The following GAD2 variants were observed in gnomAD, a reference collection of about 807,000 sequenced individuals.
GAD2 encodes the protein glutamate decarboxylase 2, also known as 65 kDa glutamic acid decarboxylase.
Under a neutral mutation model 80.1 loss-of-function variants are expected in GAD2, and 22 were observed. The observed-to-expected ratio is 0.27, with a 90% CI of 0.20 to 0.39. GAD2 has a LOEUF of 0.39. Ranked by LOEUF, GAD2 falls within the 10% of genes least tolerant of loss-of-function variation. GAD2 has a pLI of 1.00. For synonymous variants in GAD2, 274 were observed against 256.9 expected (o/e 1.07, Z -0.64); for missense variants, 624 against 738.4 (o/e 0.85, Z 1.80).
chr10:26,283,388 T>C (rs1845294906), intron 12 of GAD2, among the ~76,000 whole-genome samples: 1 of 152,230 alleles, frequency 6.6e-6, no homozygotes, highest in Non-Finnish European at 1.5e-5. Flanking sequence ...ATTGTAAGGC[T>C]GTGCTCTTAG....
chr10:26,223,328 A>G (rs1265812481), intron 4 of GAD2, among the ~76,000 whole-genome samples: 2 of 152,336 alleles, frequency 1.3e-5, no homozygotes, highest in South Asian at 2.1e-4. Flanking sequence ...ATCATTCAGC[A>G]GAGTGTCCTA....
intron 10 of GAD2, 66 bp downstream of exon 10, chr10:26,270,822 G>C: frequency 2.9e-6 from 3 of 1,037,084 alleles, no homozygotes; most frequent in Non-Finnish European, 4.5e-6. Context: ...GACACACAAA[G>C]GAAATTTGTT....
chr10:26,274,105 T>A lies in GAD2; in HGVS notation c.1157+405T>A, dbSNP rs529116567. 2.6e-5 allele frequency among the ~76,000 whole-genome samples: 4 copies of A among 152,218 alleles called. No homozygotes were observed. The East Asian group carries it at 7.7e-4, about 29-fold the overall frequency. On this transcript the variant is annotated intron_variant, in intron 11 of 15. Coordinates refer to ENST00000376261, the MANE Select transcript of GAD2 (RefSeq NM_001134366.2). ...GATAATATCCACTGCTTAAAAAAAA[T>A]AATAATTTTTCAAAGCAAATAAGCA...
intron 15 of GAD2, among the ~76,000 whole-genome samples, chr10:26,295,060 A>G (rs935245850): frequency 6.8e-6 from 1 of 147,662 alleles, no homozygotes; most frequent in Admixed American, 6.7e-5. Context: ...GGATGGAGCA[A>G]GATGGGAATA....
intron 12 of GAD2, among the ~76,000 whole-genome samples, chr10:26,285,432 TAGAC>T (rs1413909948): frequency 2.6e-5 from 4 of 152,222 alleles, no homozygotes; most frequent in African/African-American, 7.2e-5. Flanking sequence ...AAATCACAAT[TAGAC>T]AGAAGAGAAC....
chr10:26,272,301 A>G (rs562124179), intron 10 of GAD2, among the ~76,000 whole-genome samples: 121 of 152,320 alleles, frequency 7.9e-4, no homozygotes, highest in Non-Finnish European at 1.3e-3. Context: ...ATCCTGGTAG[A>G]CCTTGCTGGC....
chr10:26,300,453 A>G (rs1229179722), intron 15 of GAD2, among the ~76,000 whole-genome samples: 2 of 152,126 alleles, frequency 1.3e-5, no homozygotes, highest in African/African-American at 2.4e-5. Context: ...TGTGGGGGGA[A>G]AATGCCCCCA....
intron 6 of GAD2, among the ~76,000 whole-genome samples, chr10:26,226,419 G>T (rs956053859): frequency 1.3e-5 from 2 of 152,168 alleles, no homozygotes; most frequent in African/African-American, 4.8e-5. Context: ...TTGCTCTTAC[G>T]CCAAGATGCA....
intron 11 of GAD2, among the ~76,000 whole-genome samples, chr10:26,275,396 G>A (rs1033951410): frequency 6.6e-6 from 1 of 152,170 alleles, no homozygotes; most frequent in African/African-American, 2.4e-5. Flanking sequence ...ACACCCACAC[G>A]ATTCTGTACC....
Position 26,304,054 on chromosome 10 carries a change from C to T in GAD2, c.*3093C>T, listed in dbSNP as rs1376530824. 2.0e-5 allele frequency: 3 copies of T among 152,152 alleles called. No individual in the cohort carries two copies. The highest frequency in any genetic ancestry group is 2.9e-5 in the Non-Finnish European group (2 of 68,024). The allele number at this position is 152,152 out of a possible 1,614,324, so 9.4% of individuals were successfully genotyped here. On this transcript the variant is annotated 3_prime_UTR_variant, in exon 16 of 16. Coordinates refer to ENST00000376261, the MANE Select transcript of GAD2 (RefSeq NM_001134366.2). ...AATAGAGAACATGCCCTCAGCTAAG[C>T]CCCCTACTGAGAAACTTCCTTTGAG...
At chr10:26,251,587 A>T (rs1241529865) in intron 8 of GAD2, among the ~76,000 whole-genome samples, 1 of 152,248 alleles carries the variant, frequency 6.6e-6, no homozygotes, top group African/African-American at 2.4e-5. Flanking sequence ...ACTGTTACGA[A>T]TAACCTTTGT....
intron 6 of GAD2, among the ~76,000 whole-genome samples, chr10:26,229,448 G>A (rs1844570760): frequency 6.6e-6 from 1 of 152,150 alleles, no homozygotes; most frequent in Admixed American, 6.5e-5. Flanking sequence ...GTTCCCCTTA[G>A]TGACTGAGAT....
chr10:26,237,144 C>T (rs1335150879), intron 7 of GAD2, among the ~76,000 whole-genome samples: 1 of 152,146 alleles, frequency 6.6e-6, no homozygotes, highest in Non-Finnish European at 1.5e-5. Context: ...ACACCCAGTG[C>T]CCGCTCTCAG....
chr10:26,242,430 G>A (rs1021269739), intron 7 of GAD2, among the ~76,000 whole-genome samples: 3 of 152,050 alleles, frequency 2.0e-5, no homozygotes, highest in African/African-American at 7.2e-5. Context: ...ATTCAAAGTG[G>A]TGCTAAGGAA....
At chr10:26,239,059 G>T (rs558557095) in intron 7 of GAD2, among the ~76,000 whole-genome samples, 63 of 152,138 alleles carry the variant, frequency 4.1e-4, no homozygotes, top group Non-Finnish European at 8.4e-4. Flanking sequence ...TGGGCTTCAA[G>T]ATCTACTTGT....
chr10:26,241,550 C>CT (rs562624565), intron 7 of GAD2, among the ~76,000 whole-genome samples: 7,444 of 143,288 alleles, frequency 0.052, 502 homozygotes, highest in African/African-American at 0.16. Flanking sequence ...CTGCTCATTT[C>CT]TTTTTTTTTT....
intron 8 of GAD2, among the ~76,000 whole-genome samples, chr10:26,248,796 T>C (rs546854163): frequency 3.9e-5 from 6 of 152,124 alleles, no homozygotes; most frequent in African/African-American, 1.4e-4. Context: ...GCAGAGAACA[T>C]AGCTTTGCAA....
chr10:26,296,735 C>G (rs1282843976), intron 15 of GAD2, among the ~76,000 whole-genome samples: 1 of 152,100 alleles, frequency 6.6e-6, no homozygotes, highest in Non-Finnish European at 1.5e-5. Context: ...TATTCTTGAT[C>G]ATTATCTGGT....
chr10:26,276,255 C>T (rs1003510976), intron 11 of GAD2, among the ~76,000 whole-genome samples: 1 of 152,166 alleles, frequency 6.6e-6, no homozygotes, highest in Non-Finnish European at 1.5e-5. Context: ...ACCAAATTCT[C>T]AGAAAACAGC....
Sources: allele counts gnomAD v4.1 joint callset (sites outside exome capture counted in the v4.1 genomes callset), GRCh38; gene constraint gnomAD v4.1.1; transcripts MANE v1.5; gene names NCBI Gene and HGNC (gene_info 2026-07-23, HGNC 2026-07-21).